TRHR: variants seen among roughly 807,000 people sequenced by gnomAD.
TRHR encodes thyrotropin releasing hormone receptor.
Under a neutral mutation model 28.0 loss-of-function variants are expected in TRHR, and 14 were observed. The ratio of observed to expected loss-of-function variants is 0.50; its 90% CI spans 0.33 to 0.78. TRHR has a LOEUF of 0.78. Among genes scored for constraint, TRHR ranks in the 30% least tolerant of loss-of-function variants. TRHR has a pLI of 0.02. For missense variants in TRHR, 438 were observed against 469.5 expected, an observed-to-expected ratio of 0.93 and a Z score of 0.62; for synonymous variants, 176 against 171.9, an observed-to-expected ratio of 1.02 and a Z score of -0.18.
chr8:109,088,687 A>G (rs1811478934), intron 2 of TRHR, among the ~76,000 whole-genome samples: 1 of 152,234 alleles, frequency 6.6e-6, no homozygotes, highest in African/African-American at 2.4e-5. Flanking sequence ...TAAAAATTCT[A>G]TTGCACAACA....
At chr8:109,093,585 T>C (rs1277388252) in intron 2 of TRHR, among the ~76,000 whole-genome samples, 1 of 151,632 alleles carries the variant, frequency 6.6e-6, no homozygotes, top group East Asian at 1.9e-4. Context: ...TTTGTTTTTT[T>C]AGGAGAGACG....
chr8:109,104,415 T>C (rs1811721248), intron 2 of TRHR, among the ~76,000 whole-genome samples: 1 of 152,140 alleles, frequency 6.6e-6, no homozygotes, highest in South Asian at 2.1e-4. Flanking sequence ...AACATCTTGG[T>C]AAAGTGTTAT....
At chr8:109,118,155 C>T (rs888499081) in intron 2 of TRHR, among the ~76,000 whole-genome samples, 1 of 151,896 alleles carries the variant, frequency 6.6e-6, no homozygotes, top group African/African-American at 2.4e-5. Flanking sequence ...AATCCCAGCC[C>T]TGAGACTCTA....
chr8:109,101,949 A>C (rs761793923), intron 2 of TRHR, among the ~76,000 whole-genome samples: 10 of 152,142 alleles, frequency 6.6e-5, no homozygotes, highest in Non-Finnish European at 1.0e-4. Flanking sequence ...ATATTCAGAG[A>C]GGGAAGAGGA....
At chr8:109,108,335 A>G (rs1216611325) in intron 2 of TRHR, among the ~76,000 whole-genome samples, 1 of 152,206 alleles carries the variant, frequency 6.6e-6, no homozygotes, top group Non-Finnish European at 1.5e-5. Context: ...CTGGGTAAGC[A>G]GCTGAGGAAT....
intron 2 of TRHR, among the ~76,000 whole-genome samples, chr8:109,094,329 G>T (rs1811557743): frequency 6.6e-6 from 1 of 151,312 alleles, no homozygotes; most frequent in Non-Finnish European, 1.5e-5. Context: ...ATAGCTTACT[G>T]CAACTTCTAC....
At chr8:109,100,976 G>A (rs1322187277) in intron 2 of TRHR, among the ~76,000 whole-genome samples, 1 of 152,174 alleles carries the variant, frequency 6.6e-6, no homozygotes, top group Non-Finnish European at 1.5e-5. Context: ...TGAGCCTAGT[G>A]AGGTAAGCAG....
chr8:109,091,346 T>C (rs144039988), intron 2 of TRHR, among the ~76,000 whole-genome samples: 4 of 152,200 alleles, frequency 2.6e-5, no homozygotes, highest in Non-Finnish European at 5.9e-5. Context: ...TCAGTGGGAA[T>C]GAGAACAGTG....
chr8:109,105,398 T>G (rs1191616334), intron 2 of TRHR, among the ~76,000 whole-genome samples: 1 of 152,172 alleles, frequency 6.6e-6, no homozygotes, highest in East Asian at 1.9e-4. Flanking sequence ...GTCTTACATG[T>G]GTGACAATTA....
At chr8:109,093,792 C>T (rs549300386) in intron 2 of TRHR, among the ~76,000 whole-genome samples, 3 of 150,594 alleles carry the variant, frequency 2.0e-5, no homozygotes, top group African/African-American at 4.9e-5. Flanking sequence ...TGACCTACTG[C>T]AAAATTTTAC....
At chr8:109,111,864 T>C (rs530915064) in intron 2 of TRHR, among the ~76,000 whole-genome samples, 2 of 152,200 alleles carry the variant, frequency 1.3e-5, no homozygotes, top group African/African-American at 2.4e-5. Flanking sequence ...AAAGAGTCTA[T>C]TCACAAATTA....
intron 2 of TRHR, among the ~76,000 whole-genome samples, chr8:109,089,091 C>T (rs557920434): frequency 1.5e-4 from 23 of 152,046 alleles, no homozygotes; most frequent in Non-Finnish European, 2.8e-4. Flanking sequence ...AAGTGCAAAA[C>T]TTTGTTGCAG....
At chr8:109,118,235 C>G (rs1687675485) in intron 2 of TRHR, among the ~76,000 whole-genome samples, 1 of 151,852 alleles carries the variant, frequency 6.6e-6, no homozygotes, top group Non-Finnish European at 1.5e-5. Flanking sequence ...GGGTACAATA[C>G]CTATTTTAGG....
At chr8:109,113,469 A>G (rs1479268694) in intron 2 of TRHR, among the ~76,000 whole-genome samples, 1 of 152,126 alleles carries the variant, frequency 6.6e-6, no homozygotes, top group East Asian at 1.9e-4. Flanking sequence ...AGTTAGAGAA[A>G]CTGTCCCAGC....
Position 109,112,435 on chromosome 8 carries a change from A to T in TRHR, c.790-6613A>T, listed in dbSNP as rs148620780. On this transcript the variant is annotated intron_variant, in intron 2 of 2. Coordinates refer to ENST00000518632, the MANE Select transcript of TRHR (RefSeq NM_003301.7). ...ATGTAACCAGAACCTAATAAATGGC[A>T]TACTATTAACTGGGCTGTGGCCCAA... is the stretch of plus-strand genomic sequence containing the variant. Among the ~76,000 whole-genome samples the T allele has an allele frequency of 3.7e-3, 571 of 152,326 alleles. 1 individual carries two copies. Among genetic ancestry groups the T allele is most frequent in the South Asian group, 0.011 (55 of 4,832 alleles).
intron 2 of TRHR, among the ~76,000 whole-genome samples, chr8:109,106,487 C>G (rs905760834): frequency 6.6e-6 from 1 of 152,104 alleles, no homozygotes; most frequent in Non-Finnish European, 1.5e-5. Flanking sequence ...TTCTTCATAA[C>G]AATATAGCCA....
intron 2 of TRHR, among the ~76,000 whole-genome samples, chr8:109,110,008 C>A (rs1286705439): frequency 6.6e-6 from 1 of 152,124 alleles, no homozygotes; most frequent in African/African-American, 2.4e-5. Context: ...CATCCTGTAA[C>A]TCCTACTGTC....
Position 109,119,992 on chromosome 8 carries a change from C to T in TRHR, c.*537C>T, listed in dbSNP as rs919945476. On this transcript the variant is annotated 3_prime_UTR_variant, in exon 3 of 3. Transcript: ENST00000518632. ...GAGTAAAAATAAGATTTTAGACATA[C>T]ATGTTAACTGTATTTTAAAAGTTGC... Among the ~76,000 whole-genome samples, 3 of 151,774 alleles carry T rather than the reference C, an allele frequency of 2.0e-5. No homozygotes were observed. Among genetic ancestry groups the T allele is most frequent in the Non-Finnish European group, 4.4e-5 (3 of 67,858 alleles).
At chr8:109,112,490 A>G (rs1188845708) in intron 2 of TRHR, among the ~76,000 whole-genome samples, 1 of 152,106 alleles carries the variant, frequency 6.6e-6, no homozygotes, top group Non-Finnish European at 1.5e-5. Context: ...TTAAAATTTG[A>G]TTATTTTTGC....
Sources: gnomAD v4.1 joint callset for allele counts (sites outside exome capture counted in the v4.1 genomes callset) on GRCh38, gnomAD v4.1.1 for gene constraint, MANE v1.5 for transcripts, NCBI Gene and HGNC (gene_info 2026-07-23, HGNC 2026-07-21) for gene names.